DMD: variants seen among roughly 807,000 people sequenced by gnomAD.
DMD encodes dystrophin.
In DMD, 63 loss-of-function variants were observed where a neutral mutation model predicts 330.1. The ratio of observed to expected loss-of-function variants is 0.19; its 90% confidence interval spans 0.16 to 0.24. The LOEUF (loss-of-function observed/expected upper bound fraction) is 0.24. Ranked by LOEUF, DMD falls within the 10% of genes least tolerant of loss-of-function variation. The probability of loss-of-function intolerance (pLI) is 1.00; values close to 1 mark genes in which losing one functional copy is unlikely to be tolerated. For missense variants in DMD, 3,344 were observed against 2,684.1 expected, an observed-to-expected ratio of 1.25 and a Z score of -5.43; for synonymous variants, 1,223 against 959.8, an observed-to-expected ratio of 1.27 and a Z score of -5.07.
In DMD at chrX:32,823,402, G is replaced by A. The variant is rs779680050; in HGVS notation, c.265-15C>T. The A allele has an allele frequency of 2.6e-5, 29 of 1,125,061 alleles. No homozygotes were observed. The highest frequency in any genetic ancestry group is 2.2e-4 in the African/African-American group (12 of 55,401). The allele number at this position is 1,125,061 out of a possible 1,213,427, so 92.7% of individuals were successfully genotyped here. On this transcript the variant is annotated splice_polypyrimidine_tract_variant and intron_variant, in intron 4 of 78. Transcript: ENST00000357033. ...ACTAAATCAACCTGTTAAAGAAAGG[G>A]GTAAAACATTTGAAGGTAAGAGACC...
chrX:32,808,151 C>A (rs895582437), intron 7 of DMD, among the ~76,000 whole-genome samples: 1 of 111,321 alleles, frequency 9.0e-6, no homozygotes, highest in African/African-American at 3.3e-5. Context: ...AATAGTTTCT[C>A]CCTTAGAGCT....
intron 27 of DMD, among the ~76,000 whole-genome samples, chrX:32,446,778 C>T (rs2098306811): frequency 9.1e-6 from 1 of 109,898 alleles, no homozygotes; most frequent in African/African-American, 3.3e-5. Context: ...CTAATGTTTC[C>T]ACCATATTAT....
intron 1 of DMD, among the ~76,000 whole-genome samples, chrX:33,085,181 T>C (rs1208652783): frequency 9.0e-6 from 1 of 111,698 alleles, no homozygotes; most frequent in East Asian, 2.8e-4. Context: ...AAATAACTTG[T>C]TTGGTGAAAA....
At chrX:32,991,091 A>G (rs749659334) in intron 2 of DMD, among the ~76,000 whole-genome samples, 92 of 111,446 alleles carry the variant, frequency 8.3e-4, no homozygotes, top group Non-Finnish European at 1.5e-3. Flanking sequence ...AAACTATAAA[A>G]GTATACAAAT....
intron 51 of DMD, among the ~76,000 whole-genome samples, chrX:31,766,206 T>C (rs1287183709): frequency 4.5e-5 from 5 of 111,859 alleles, no homozygotes; most frequent in Non-Finnish European, 9.4e-5. Context: ...AATCACTCCA[T>C]ATAAAGGAGC....
intron 1 of DMD, among the ~76,000 whole-genome samples, chrX:33,147,416 C>A (rs149858982): frequency 0.041 from 4,582 of 111,949 alleles, 92 homozygotes; most frequent in Middle Eastern, 0.097. Context: ...TCCGGAATGG[C>A]AGTTGACACA....
At chrX:32,547,015 T>C (rs186457964) in intron 16 of DMD, among the ~76,000 whole-genome samples, 1 of 109,400 alleles carries the variant, frequency 9.1e-6, no homozygotes, top group African/African-American at 3.3e-5. Context: ...AAACTTGCTT[T>C]GCAAAGAAAA....
intron 50 of DMD, among the ~76,000 whole-genome samples, chrX:31,813,742 T>A (rs1164568064): frequency 1.8e-5 from 2 of 112,077 alleles, no homozygotes; most frequent in African/African-American, 6.5e-5. Context: ...TCCAGCCTGC[T>A]CTGCAAGTGG....
At chrX:32,602,184 C>T (rs747325522) in intron 12 of DMD, among the ~76,000 whole-genome samples, 35 of 111,698 alleles carry the variant, frequency 3.1e-4, no homozygotes, top group African/African-American at 1.1e-3. Context: ...TTCAAACTAC[C>T]TCATCTGATG....
chrX:33,059,439 T>C (rs751002282), intron 1 of DMD, among the ~76,000 whole-genome samples: 42 of 110,791 alleles, frequency 3.8e-4, no homozygotes, highest in Non-Finnish European at 6.0e-4. Context: ...GTCGGATTTA[T>C]TGGGCACAGC....
intron 45 of DMD, among the ~76,000 whole-genome samples, chrX:31,933,664 A>T (rs993611372): frequency 9.0e-6 from 1 of 111,691 alleles, no homozygotes; most frequent in Non-Finnish European, 1.9e-5. Flanking sequence ...AAGGAAATAG[A>T]ATATTATCAG....
At chrX:31,757,440 C>A (rs1485494610) in intron 51 of DMD, among the ~76,000 whole-genome samples, 2 of 111,987 alleles carry the variant, frequency 1.8e-5, no homozygotes, top group African/African-American at 6.5e-5. Context: ...AGCTGTCAGC[C>A]CTTGTCTTAG....
At chrX:33,133,883 A>C (rs1470367055) in intron 1 of DMD, among the ~76,000 whole-genome samples, 1 of 111,682 alleles carries the variant, frequency 9.0e-6, no homozygotes, top group Non-Finnish European at 1.9e-5. Context: ...TATCTTTCCC[A>C]TAGGGTTACA....
chrX:32,549,867 A>G (rs555759805), intron 16 of DMD, among the ~76,000 whole-genome samples: 2 of 112,313 alleles, frequency 1.8e-5, no homozygotes, highest in South Asian at 3.7e-4. Flanking sequence ...AAAAAGAAAC[A>G]TAAGTACATC....
rs754910504 is a variant in DMD, at chrX:31,271,166, G to A, written c.9225-10150C>T. ...AGATTGGATGAGTAGCATTCTCCGAGCTAGGAATTTCAGGAGGAGGGGGCA... is the reference window on the plus strand; with the variant it reads ...AGATTGGATGAGTAGCATTCTCCGAACTAGGAATTTCAGGAGGAGGGGGCA... On this transcript the variant is annotated intron_variant, in intron 62 of 78. Coordinates refer to ENST00000357033, the MANE Select transcript of DMD (RefSeq NM_004006.3). Among the ~76,000 whole-genome samples, 9 of 111,809 alleles carry A rather than the reference G, an allele frequency of 8.0e-5. No individual in the cohort carries two copies. In the South Asian group the frequency reaches 2.3e-3, roughly 28 times the overall value.
chrX:33,175,811 T>C (rs774818749), intron 1 of DMD, among the ~76,000 whole-genome samples: 3 of 112,007 alleles, frequency 2.7e-5, no homozygotes, highest in African/African-American at 9.7e-5. Context: ...AACATTCATA[T>C]GAAAGGTATA....
At chrX:32,590,533 G>A (rs1179354588) in intron 13 of DMD, among the ~76,000 whole-genome samples, 1 of 111,725 alleles carries the variant, frequency 9.0e-6, no homozygotes, top group African/African-American at 3.3e-5. Context: ...CACCCAATCA[G>A]CTGCCAGTTA....
intron 1 of DMD, among the ~76,000 whole-genome samples, chrX:33,059,921 C>A (rs970659389): frequency 1.8e-5 from 2 of 111,906 alleles, no homozygotes; most frequent in African/African-American, 6.5e-5. Context: ...ATCTGTTCTA[C>A]ATAGATTGAA....
At chrX:33,197,226 T>A (rs2050994178) in intron 1 of DMD, among the ~76,000 whole-genome samples, 1 of 111,977 alleles carries the variant, frequency 8.9e-6, no homozygotes, top group African/African-American at 3.2e-5. Flanking sequence ...GGTCTAATGC[T>A]GTATTTTTCA....
Sources: gnomAD v4.1 joint callset for allele counts (sites outside exome capture counted in the v4.1 genomes callset) on GRCh38, gnomAD v4.1.1 for gene constraint, MANE v1.5 for transcripts, NCBI Gene and HGNC (gene_info 2026-07-23, HGNC 2026-07-21) for gene names.